Variants in CSMD1 observed in about 807,000 individuals in gnomAD.
CSMD1 encodes the protein CUB and sushi domain-containing protein 1.
CSMD1 carries 213 observed loss-of-function variants against 417.5 expected under a neutral mutation model. The ratio of observed to expected loss-of-function variants is 0.51; its 90% CI spans 0.46 to 0.57. CSMD1 has a LOEUF of 0.57. Among genes scored for constraint, CSMD1 ranks in the 20% least tolerant of loss-of-function variants. The probability of loss-of-function intolerance (pLI) is 0.00; values close to 1 mark genes in which losing one functional copy is unlikely to be tolerated. For missense variants in CSMD1, 6,923 were observed against 4,529.7 expected (o/e 1.53, Z -15.17); for synonymous variants, 2,862 against 1,736.8 (o/e 1.65, Z -16.11).
chr8:4,749,625 G>A lies in CSMD1; in HGVS notation c.86-112067C>T, dbSNP rs191676346. Among the ~76,000 whole-genome samples the A allele has an allele frequency of 2.7e-3, 404 of 152,302 alleles. 2 individuals carry two copies. Among genetic ancestry groups the A allele is most frequent in the African/African-American group, 9.3e-3 (387 of 41,562 alleles). ...AATTATCTGTTCTTGGAATGTACCA[G>A]CGTCAAAAGTTTCACTTTAATAATT... On this transcript the variant is annotated intron_variant, in intron 1 of 69. Transcript: ENST00000635120.
At chr8:4,347,580 G>T (rs558969389) in intron 3 of CSMD1, among the ~76,000 whole-genome samples, 3 of 152,072 alleles carry the variant, frequency 2.0e-5, no homozygotes, top group Non-Finnish European at 4.4e-5. Flanking sequence ...ATTAAAGTTC[G>T]CCAAAGAGAA....
chr8:3,851,914 A>G (rs1222256717), intron 5 of CSMD1, among the ~76,000 whole-genome samples: 1 of 152,108 alleles, frequency 6.6e-6, no homozygotes, highest in East Asian at 1.9e-4. Context: ...GGGTAGAAGT[A>G]CTGGGGGCCT....
At chr8:4,302,690 T>C (rs1301207678) in intron 3 of CSMD1, among the ~76,000 whole-genome samples, 2 of 152,156 alleles carry the variant, frequency 1.3e-5, no homozygotes, top group Non-Finnish European at 2.9e-5. Context: ...TCTACTAAAC[T>C]GGTGTGTATG....
At chr8:4,271,999 G>A (rs561418279) in intron 3 of CSMD1, among the ~76,000 whole-genome samples, 5 of 152,038 alleles carry the variant, frequency 3.3e-5, no homozygotes, top group East Asian at 1.9e-4. Flanking sequence ...TCACATCCCC[G>A]TGAATACTCT....
chr8:3,408,193 C>G lies in CSMD1; in HGVS notation c.1777G>C (p.Gly593Arg). Reference protein sequence around the residue: ...SCFFNFTASSGIILSPNYPEE... With the variant: ...SCFFNFTASSRIILSPNYPEE... Reference sequence around the variant, plus strand: ...GGATAATTTGGTGACAGAATAATCCCAGATGATGCCGTAAAGTTGAAGAAA... The same window carrying G: ...GGATAATTTGGTGACAGAATAATCCGAGATGATGCCGTAAAGTTGAAGAAA... Residue 593 changes from glycine to arginine, a missense_variant, in exon 14 of 70, where the codon GGG becomes CGG. Transcript: ENST00000635120. The G allele has an allele frequency of 6.2e-7, 1 of 1,609,016 alleles. No individual in the cohort carries two copies. Among genetic ancestry groups the G allele is most frequent in the Non-Finnish European group, 8.5e-7 (1 of 1,176,942 alleles).
At chr8:3,064,948 C>G (rs1453711242) in intron 49 of CSMD1, among the ~76,000 whole-genome samples, 1 of 151,892 alleles carries the variant, frequency 6.6e-6, no homozygotes. Flanking sequence ...AATTAGAGAA[C>G]AAAACTTTGA....
intron 12 of CSMD1, among the ~76,000 whole-genome samples, chr8:3,454,413 G>A (rs1482347051): frequency 1.3e-5 from 2 of 152,162 alleles, no homozygotes; most frequent in Admixed American, 6.5e-5. Context: ...AGCATCAATG[G>A]TCTTCACAAT....
At chr8:4,904,280 T>G (rs573014580) in intron 1 of CSMD1, among the ~76,000 whole-genome samples, 17 of 152,214 alleles carry the variant, frequency 1.1e-4, no homozygotes, top group Non-Finnish European at 2.1e-4. Flanking sequence ...TTAGGAACAA[T>G]GAAAGTACAG....
intron 2 of CSMD1, among the ~76,000 whole-genome samples, chr8:4,635,462 A>C (rs1802766467): frequency 6.6e-6 from 1 of 152,190 alleles, no homozygotes; most frequent in Admixed American, 6.5e-5. Flanking sequence ...TGTCAGTCAA[A>C]TTAAGACAGG....
At chr8:4,396,688 C>G (rs1055743949) in intron 3 of CSMD1, among the ~76,000 whole-genome samples, 1 of 151,880 alleles carries the variant, frequency 6.6e-6, no homozygotes, top group African/African-American at 2.4e-5. Flanking sequence ...CAATGGAATA[C>G]CGATCAGCCA....
intron 1 of CSMD1, among the ~76,000 whole-genome samples, chr8:4,907,614 C>T (rs1257692127): frequency 6.6e-6 from 1 of 152,086 alleles, no homozygotes; most frequent in African/African-American, 2.4e-5. Context: ...AGCTGAAGTG[C>T]AGTGGCAAAA....
intron 25 of CSMD1, among the ~76,000 whole-genome samples, chr8:3,300,256 A>G (rs912937442): frequency 2.0e-5 from 3 of 152,330 alleles, no homozygotes; most frequent in East Asian, 3.9e-4. Context: ...TGAACATATC[A>G]CATTTTATGT....
intron 3 of CSMD1, among the ~76,000 whole-genome samples, chr8:4,118,797 G>C (rs1012374800): frequency 2.6e-5 from 4 of 152,202 alleles, no homozygotes; most frequent in Non-Finnish European, 5.9e-5. Flanking sequence ...GCACATGTAT[G>C]TTTATTACAG....
intron 58 of CSMD1, among the ~76,000 whole-genome samples, 185 bp downstream of exon 58, chr8:2,966,385 A>T (rs1405771256): frequency 6.6e-6 from 1 of 152,144 alleles, no homozygotes; most frequent in Non-Finnish European, 1.5e-5. Context: ...CCATACGAAT[A>T]AGCAACTGGA....
chr8:3,243,292 T>A (rs982796401), intron 26 of CSMD1, among the ~76,000 whole-genome samples: 2 of 151,434 alleles, frequency 1.3e-5, no homozygotes, highest in Non-Finnish European at 2.9e-5. Context: ...CCAAGGGAGG[T>A]CCCCCGATCC....
chr8:3,954,841 G>C (rs1051201588), intron 5 of CSMD1, among the ~76,000 whole-genome samples: 4 of 152,206 alleles, frequency 2.6e-5, no homozygotes, highest in African/African-American at 4.8e-5. Context: ...GTGGCAGGGA[G>C]TTACATGCAT....
intron 5 of CSMD1, among the ~76,000 whole-genome samples, chr8:3,810,111 C>T (rs1800978883): frequency 6.6e-6 from 1 of 152,148 alleles, no homozygotes; most frequent in South Asian, 2.1e-4. Flanking sequence ...TGTCTTTCTG[C>T]CTTGGTTTGC....
chr8:3,636,425 G>A (rs1013657163), intron 7 of CSMD1, among the ~76,000 whole-genome samples: 7 of 152,208 alleles, frequency 4.6e-5, no homozygotes, highest in Admixed American at 1.3e-4. Context: ...TGATCCGCCC[G>A]CCTCAGCCTC....
Position 4,307,700 on chromosome 8 carries a change from G to A in CSMD1, c.415+112253C>T, listed in dbSNP as rs144405270. On this transcript the variant is annotated intron_variant, in intron 3 of 69. Transcript: ENST00000635120. The stretch of plus-strand genomic sequence containing the variant: ...TTGTTGGTGACTTTGCAAACGAACA[G>A]CACGATGCTCTTGACCATGAGTGGG... 1.8e-3 allele frequency among the ~76,000 whole-genome samples: 278 copies of A among 152,276 alleles called. 4 individuals are homozygous for A. The East Asian group carries it at 0.045, about 24-fold the overall frequency.
Sources: allele counts gnomAD v4.1 joint callset (sites outside exome capture counted in the v4.1 genomes callset), GRCh38; gene constraint gnomAD v4.1.1; transcripts MANE v1.5; gene names NCBI Gene and HGNC (gene_info 2026-07-23, HGNC 2026-07-21).